The following SEZ6L variants were observed in gnomAD, a reference collection of about 807,000 sequenced individuals.
The protein encoded by SEZ6L is seizure 6-like protein.
A neutral mutation model predicts 106.2 loss-of-function variants in SEZ6L; 37 were observed. The ratio of observed to expected loss-of-function variants is 0.35; its 90% confidence interval spans 0.27 to 0.46. SEZ6L has a LOEUF of 0.46. SEZ6L is among the 20% of genes least tolerant of loss of function. The pLI is 1.00. For missense variants in SEZ6L, 1,172 were observed against 1,332.8 expected (o/e 0.88, Z 1.88); for synonymous variants, 541 against 570.4 (o/e 0.95, Z 0.73).
At chr22:26,243,644 C>T (rs915673401) in intron 1 of SEZ6L, among the ~76,000 whole-genome samples, 8 of 152,048 alleles carry the variant, frequency 5.3e-5, no homozygotes, top group Non-Finnish European at 7.4e-5. Context: ...AGCCATGGAG[C>T]GACCTTATTG....
intron 1 of SEZ6L, among the ~76,000 whole-genome samples, chr22:26,214,115 C>T (rs572320974): frequency 6.6e-6 from 1 of 152,314 alleles, no homozygotes; most frequent in African/African-American, 2.4e-5. Context: ...GCAAGAGAAA[C>T]TAATGACTTT....
chr22:26,373,479 A>G lies in SEZ6L; in HGVS notation c.2823A>G (p.Leu941=). The change falls in exon 14 of 17, where the codon TTA becomes TTG. Residue 941 remains leucine (L), a synonymous_variant. Coordinates refer to ENST00000248933, the MANE Select transcript of SEZ6L (RefSeq NM_021115.5). ...ATCAAGACAGTTTTGAACATGCTTTAGAAGGTGAGTTCCAGAACGAAAAAA... is the reference window on the plus strand; with the variant it reads ...ATCAAGACAGTTTTGAACATGCTTTGGAAGGTGAGTTCCAGAACGAAAAAA... The part of the protein sequence containing the change: ...KVNQDSFEHA[L]EVAEAAAETS... The G allele has an allele frequency of 1.3e-6, 2 of 1,598,116 alleles. No homozygotes were observed. Among genetic ancestry groups the G allele is most frequent in the South Asian group, 2.3e-5 (2 of 87,646 alleles).
At chr22:26,281,531 T>C (rs137196) in intron 1 of SEZ6L, among the ~76,000 whole-genome samples, 90,299 of 151,668 alleles carry the variant, frequency 0.6, 28,996 homozygotes, top group African/African-American at 0.8. Context: ...CCCGCCACCA[T>C]GGCCGGCTAC....
At chr22:26,352,643 A>G (rs2083318000) in intron 12 of SEZ6L, among the ~76,000 whole-genome samples, 1 of 152,204 alleles carries the variant, frequency 6.6e-6, no homozygotes, top group African/African-American at 2.4e-5. Context: ...AACTGCAGAA[A>G]GGCAACCAGA....
chr22:26,348,628 GAAAGAAAGAAAGAAAGAA>G (rs1404198859), intron 11 of SEZ6L, among the ~76,000 whole-genome samples: 14 of 29,232 alleles, frequency 4.8e-4, no homozygotes, highest in African/African-American at 1.6e-3. Flanking sequence ...AAGAAAGAAA[GAAAGAAAGAAAGAAAGAA>G]AAAGAAAGAA....
intron 1 of SEZ6L, among the ~76,000 whole-genome samples, chr22:26,184,347 C>G (rs1477437675): frequency 6.6e-6 from 1 of 152,168 alleles, no homozygotes; most frequent in Non-Finnish European, 1.5e-5. Context: ...TAACCAGATG[C>G]CTGCCTCCCT....
intron 10 of SEZ6L, among the ~76,000 whole-genome samples, chr22:26,342,941 C>T (rs1223714292): frequency 6.6e-6 from 1 of 152,186 alleles, no homozygotes; most frequent in Non-Finnish European, 1.5e-5. Context: ...AGATGGTGAA[C>T]ATTTTTCATC....
At chr22:26,204,287 T>C (rs1162736567) in intron 1 of SEZ6L, among the ~76,000 whole-genome samples, 1 of 152,218 alleles carries the variant, frequency 6.6e-6, no homozygotes, top group Non-Finnish European at 1.5e-5. Flanking sequence ...CAGATGATCA[T>C]ACACATAATT....
intron 14 of SEZ6L, 95 bp from the exon 15 acceptor site, chr22:26,375,480 A>C (rs980240276): frequency 3.2e-6 from 3 of 941,588 alleles, no homozygotes; most frequent in Non-Finnish European, 5.1e-6. Flanking sequence ...AGACCTTGGA[A>C]AGCCGTCTCC....
At chr22:26,252,067 G>A (rs1461004322) in intron 1 of SEZ6L, among the ~76,000 whole-genome samples, 1 of 152,162 alleles carries the variant, frequency 6.6e-6, no homozygotes, top group Non-Finnish European at 1.5e-5. Context: ...AGCAGCACAG[G>A]CAGCAGCAGC....
chr22:26,173,095 C>T (rs1447952106), intron 1 of SEZ6L, among the ~76,000 whole-genome samples: 1 of 152,170 alleles, frequency 6.6e-6, no homozygotes, highest in Non-Finnish European at 1.5e-5. Flanking sequence ...CCCATTTCAC[C>T]ATCTGAGGAA....
chr22:26,307,402 T>C (rs1159739316), intron 6 of SEZ6L, among the ~76,000 whole-genome samples: 1 of 151,988 alleles, frequency 6.6e-6, no homozygotes, highest in African/African-American at 2.4e-5. Context: ...CAAGAAACTT[T>C]GATCTAAGAA....
chr22:26,335,700 C>G (rs1008210553), intron 9 of SEZ6L, among the ~76,000 whole-genome samples: 8 of 152,172 alleles, frequency 5.3e-5, no homozygotes, highest in Non-Finnish European at 1.2e-4. Context: ...GATCATATCC[C>G]TACTGTCATC....
At chr22:26,342,812 A>C (rs1224868195) in intron 10 of SEZ6L, among the ~76,000 whole-genome samples, 1 of 152,232 alleles carries the variant, frequency 6.6e-6, no homozygotes, top group East Asian at 1.9e-4. Context: ...CCAACCTAAT[A>C]ATATGAATTG....
rs1234963037 is a variant in SEZ6L at position 26,311,804 on chromosome 22, A to T, written c.1718A>T (p.Gln573Leu). Reference protein sequence around the residue: ...EKGHCYEPYIQNGNFTTSDPT... With the variant: ...EKGHCYEPYILNGNFTTSDPT... Reference sequence around the variant, plus strand: ...GGCCACTGCTATGAGCCCTACATCCAGAATGGGAACTTCACTACATCCGAC... The same window carrying T: ...GGCCACTGCTATGAGCCCTACATCCTGAATGGGAACTTCACTACATCCGAC... Residue 573 changes from glutamine to leucine, a missense_variant, in exon 8 of 17, where the codon CAG becomes CTG. Transcript: ENST00000248933. 1 of 1,614,094 alleles carries T rather than the reference A, an allele frequency of 6.2e-7. No homozygotes were observed. The highest frequency in any genetic ancestry group is 8.5e-7 in the Non-Finnish European group (1 of 1,180,048).
At chr22:26,336,603 GAAC>G (rs1482022382) in intron 9 of SEZ6L, among the ~76,000 whole-genome samples, 1 of 152,164 alleles carries the variant, frequency 6.6e-6, no homozygotes, top group African/African-American at 2.4e-5. Flanking sequence ...TAAAATTTCA[GAAC>G]AACAGAAGAA....
intron 1 of SEZ6L, among the ~76,000 whole-genome samples, chr22:26,266,158 C>T (rs1007008655): frequency 2.6e-5 from 4 of 152,094 alleles, no homozygotes; most frequent in Non-Finnish European, 5.9e-5. Flanking sequence ...GCTGCGGAGG[C>T]TGTGCTGCAC....
chr22:26,324,552 G>A (rs1385129896), intron 9 of SEZ6L, among the ~76,000 whole-genome samples: 1 of 152,206 alleles, frequency 6.6e-6, no homozygotes, highest in East Asian at 1.9e-4. Context: ...TGAGAGCCAG[G>A]AAAGGAGGAG....
intron 1 of SEZ6L, among the ~76,000 whole-genome samples, chr22:26,203,567 A>G (rs1941111774): frequency 6.6e-6 from 1 of 152,196 alleles, no homozygotes; most frequent in Non-Finnish European, 1.5e-5. Context: ...TAGTCTTCCT[A>G]TATAAAATAA....
Sources: allele counts gnomAD v4.1 joint callset (sites outside exome capture counted in the v4.1 genomes callset), GRCh38; gene constraint gnomAD v4.1.1; transcripts MANE v1.5; gene names NCBI Gene and HGNC (gene_info 2026-07-23, HGNC 2026-07-21).